Variants in SLC16A7 observed in about 807,000 individuals in gnomAD.
The protein encoded by SLC16A7 is monocarboxylate transporter 2.
A neutral mutation model predicts 34.9 loss-of-function variants in SLC16A7; 33 were observed. The ratio of observed to expected loss-of-function variants is 0.94; its 90% CI spans 0.72 to 1.26. The LOEUF (loss-of-function observed/expected upper bound fraction) is 1.26. Ranked by LOEUF, SLC16A7 falls within the 50% of genes most tolerant of loss-of-function variation. The pLI is 0.00. For synonymous variants in SLC16A7, 201 were observed against 206.6 expected, an observed-to-expected ratio of 0.97 and a Z score of 0.23; for missense variants, 573 against 578.1, an observed-to-expected ratio of 0.99 and a Z score of 0.09.
intron 3 of SLC16A7, among the ~76,000 whole-genome samples, chr12:59,762,936 T>C (rs1881174404): frequency 6.6e-6 from 1 of 152,142 alleles, no homozygotes; most frequent in African/African-American, 2.4e-5. Context: ...ACTTATATTT[T>C]TGTTACATCT....
intron 3 of SLC16A7, among the ~76,000 whole-genome samples, chr12:59,714,124 C>G (rs1225855049): frequency 1.3e-5 from 2 of 152,088 alleles, no homozygotes; most frequent in African/African-American, 4.8e-5. Context: ...GTGTTTGAGG[C>G]AGAGGAAACA....
intron 1 of SLC16A7, among the ~76,000 whole-genome samples, chr12:59,625,677 A>G (rs1054020821): frequency 2.6e-5 from 4 of 151,818 alleles, no homozygotes; most frequent in African/African-American, 9.7e-5. Flanking sequence ...CTCAAGAAAT[A>G]TTAGTTATTT....
intron 1 of SLC16A7, among the ~76,000 whole-genome samples, chr12:59,637,017 T>C (rs1465504688): frequency 2.0e-5 from 3 of 152,120 alleles, no homozygotes; most frequent in African/African-American, 7.2e-5. Flanking sequence ...TTAAGAATAA[T>C]CAGCTTCTAC....
intron 3 of SLC16A7, among the ~76,000 whole-genome samples, chr12:59,732,323 G>A (rs1322548337): frequency 6.6e-6 from 1 of 152,126 alleles, no homozygotes; most frequent in Non-Finnish European, 1.5e-5. Flanking sequence ...GGGAGGCTGA[G>A]GCAGAAGAAT....
In SLC16A7 at chr12:59,782,627, TTAAC is replaced by T. The variant is rs560805392; in HGVS notation, c.*2951_*2954del. 22 of 152,274 alleles carry T rather than the reference TTAAC, an allele frequency of 1.4e-4. No individual in the cohort carries two copies. In the East Asian group the frequency reaches 3.9e-3, roughly 27 times the overall value. 9.4% of individuals were successfully genotyped at this position (152,274 alleles called of 1,614,324 possible). On this transcript the variant is annotated 3_prime_UTR_variant, in exon 6 of 6. Coordinates refer to ENST00000547379, the MANE Select transcript of SLC16A7 (RefSeq NM_001270623.2). Reference sequence around the variant, plus strand: ...GGTATCCAGATAATTCATGGCTACTTTAACTATTTTTTCATTCGTGTTAACTGAG... The same window carrying T: ...GGTATCCAGATAATTCATGGCTACTTTATTTTTTCATTCGTGTTAACTGAG...
chr12:59,622,858 A>C (rs942611040), intron 1 of SLC16A7, among the ~76,000 whole-genome samples: 1 of 151,668 alleles, frequency 6.6e-6, no homozygotes, highest in Non-Finnish European at 1.5e-5. Context: ...AATTTGCATC[A>C]TGTCGCTATG....
At chr12:59,705,101 A>G (rs1565661017) in intron 3 of SLC16A7, 83 bp downstream of exon 3, 3 of 920,446 alleles carry the variant, frequency 3.3e-6, no homozygotes, top group Non-Finnish European at 5.2e-6. Context: ...GTGTCTTGGT[A>G]TATTAAAACC....
chr12:59,665,769 A>G (rs972689072), intron 2 of SLC16A7, among the ~76,000 whole-genome samples: 2 of 151,812 alleles, frequency 1.3e-5, no homozygotes, highest in African/African-American at 4.8e-5. Context: ...ACACACATAT[A>G]TGTAACTTTT....
chr12:59,612,596 A>G (rs1879249580), intron 1 of SLC16A7, among the ~76,000 whole-genome samples: 1 of 152,108 alleles, frequency 6.6e-6, no homozygotes, highest in Admixed American at 6.5e-5. Context: ...CAGAAAATGG[A>G]GTTTTCTTTT....
chr12:59,720,613 A>G (rs1875463844), intron 3 of SLC16A7, among the ~76,000 whole-genome samples: 1 of 152,086 alleles, frequency 6.6e-6, no homozygotes, highest in Non-Finnish European at 1.5e-5. Flanking sequence ...TATCATCACC[A>G]TTATCATCAT....
chr12:59,772,297 A>G (rs968843669), intron 4 of SLC16A7, among the ~76,000 whole-genome samples: 2 of 152,180 alleles, frequency 1.3e-5, no homozygotes, highest in African/African-American at 4.8e-5. Context: ...ATATAACAAA[A>G]TGCATTTAAT....
In SLC16A7 at chr12:59,785,408, T is replaced by C. The variant is rs1170988835; in HGVS notation, c.*5729T>C. On this transcript the variant is annotated 3_prime_UTR_variant, in exon 6 of 6. Transcript: ENST00000547379. ...TGAGAATGGTCATTTTAAAAGTCTC[T>C]ACCTTAAGAGCAAAATTAATATTGC... 6.6e-6 allele frequency: 1 copy of C among 152,176 alleles called. No homozygotes were observed. Among genetic ancestry groups the C allele is most frequent in the Admixed American group, 6.5e-5 (1 of 15,276 alleles). The allele number at this position is 152,176 out of a possible 1,614,324, so 9.4% of individuals were successfully genotyped here. A position where few individuals can be genotyped will look rare whatever the true frequency, so the allele number is the denominator to read the frequency against.
intron 2 of SLC16A7, among the ~76,000 whole-genome samples, chr12:59,694,493 G>C (rs774679981): frequency 7.2e-5 from 11 of 151,818 alleles, no homozygotes; most frequent in Non-Finnish European, 1.0e-4. Context: ...CCAAAAGTTT[G>C]CTCCTGCCTT....
At chr12:59,779,125 C>T (rs555122914) in intron 5 of SLC16A7, among the ~76,000 whole-genome samples, 1 of 151,912 alleles carries the variant, frequency 6.6e-6, no homozygotes, top group African/African-American at 2.4e-5. Flanking sequence ...ATATACCTCA[C>T]TCATGTATGT....
chr12:59,737,561 A>T (rs1877742768), intron 3 of SLC16A7, among the ~76,000 whole-genome samples: 7 of 152,348 alleles, frequency 4.6e-5, no homozygotes, highest in Admixed American at 3.9e-4. Flanking sequence ...TGACTGCAAT[A>T]AAAAGGGAGC....
rs1451664072 is a variant in SLC16A7, at chr12:59,782,157, C to T, written c.*2478C>T. ...TTTGTACAGTCACACCTGGCAGTAG[C>T]ACTGCACAGTTACAAATATGCACAC... On this transcript the variant is annotated 3_prime_UTR_variant, in exon 6 of 6. Transcript: ENST00000547379. 2 of 152,188 alleles carry T rather than the reference C, an allele frequency of 1.3e-5. No individual in the cohort carries two copies. The highest frequency in any genetic ancestry group is 2.4e-5 in the African/African-American group (1 of 41,458). The allele number at this position is 152,188 out of a possible 1,614,324, so 9.4% of individuals were successfully genotyped here.
intron 3 of SLC16A7, among the ~76,000 whole-genome samples, chr12:59,764,674 G>C (rs973195029): frequency 2.0e-5 from 3 of 151,932 alleles, no homozygotes; most frequent in Admixed American, 1.3e-4. Flanking sequence ...ATCATTTTCT[G>C]TGGCTGTATA....
At chr12:59,649,127 C>T (rs543726925) in intron 1 of SLC16A7, among the ~76,000 whole-genome samples, 67 of 152,216 alleles carry the variant, frequency 4.4e-4, no homozygotes, top group African/African-American at 1.6e-3. Flanking sequence ...TGCATGAAGA[C>T]GATGACTTAT....
chr12:59,707,961 A>G (rs533402135), intron 3 of SLC16A7, among the ~76,000 whole-genome samples: 2 of 152,266 alleles, frequency 1.3e-5, no homozygotes, highest in East Asian at 3.9e-4. Flanking sequence ...TTTACCTGCC[A>G]TGTCCACTGT....
Sources: allele counts gnomAD v4.1 joint callset (sites outside exome capture counted in the v4.1 genomes callset), GRCh38; gene constraint gnomAD v4.1.1; transcripts MANE v1.5; gene names NCBI Gene and HGNC (gene_info 2026-07-23, HGNC 2026-07-21).